Variants in FHIT observed in about 807,000 individuals in gnomAD.
The protein encoded by FHIT is bis(5'-adenosyl)-triphosphatase.
FHIT carries 19 observed loss-of-function variants against 17.9 expected under a neutral mutation model. The observed-to-expected ratio is 1.06, with a 90% CI of 0.74 to 1.56. The LOEUF is 1.56. Among genes scored for constraint, FHIT ranks in the 40% most tolerant of loss-of-function variants. The probability of loss-of-function intolerance (pLI) is 0.00; values close to 1 mark genes in which losing one functional copy is unlikely to be tolerated. For synonymous variants in FHIT, 81 were observed against 69.7 expected (o/e 1.16, Z -0.81); for missense variants, 248 against 189.2 (o/e 1.31, Z -1.82).
intron 4 of FHIT, among the ~76,000 whole-genome samples, chr3:60,758,329 C>T (rs115752811): frequency 0.021 from 3,148 of 152,294 alleles, 103 homozygotes; most frequent in African/African-American, 0.069. Flanking sequence ...GAAAATGCTA[C>T]CTTTGTTAAA....
intron 5 of FHIT, among the ~76,000 whole-genome samples, chr3:60,135,569 AGAG>A (rs1699783054): frequency 6.6e-6 from 1 of 152,102 alleles, no homozygotes; most frequent in South Asian, 2.1e-4. Flanking sequence ...ACATTTGTTG[AGAG>A]GAGAAGAGGT....
chr3:60,847,101 G>A (rs372022571), intron 3 of FHIT, among the ~76,000 whole-genome samples: 3 of 152,204 alleles, frequency 2.0e-5, no homozygotes, highest in Non-Finnish European at 4.4e-5. Flanking sequence ...CAGGATTAAA[G>A]GCATGAGCCA....
chr3:59,782,123 ATCTG>A (rs1702616325), intron 8 of FHIT, among the ~76,000 whole-genome samples: 1 of 152,152 alleles, frequency 6.6e-6, no homozygotes, highest in Non-Finnish European at 1.5e-5. Context: ...TATCTACCAG[ATCTG>A]TCTGATTCCT....
At chr3:60,648,792 G>A (rs2039923818) in intron 4 of FHIT, among the ~76,000 whole-genome samples, 2 of 152,226 alleles carry the variant, frequency 1.3e-5, no homozygotes, top group African/African-American at 4.8e-5. Context: ...CTTCCTAAAG[G>A]CGTTTGCGCC....
intron 7 of FHIT, among the ~76,000 whole-genome samples, chr3:59,983,047 T>G (rs1708725501): frequency 6.6e-6 from 1 of 151,976 alleles, no homozygotes; most frequent in South Asian, 2.1e-4. Flanking sequence ...CAAGCGATCC[T>G]CCCACCTCAG....
intron 3 of FHIT, among the ~76,000 whole-genome samples, chr3:60,972,044 A>C (rs1474982693): frequency 6.6e-6 from 1 of 152,202 alleles, no homozygotes; most frequent in Non-Finnish European, 1.5e-5. Flanking sequence ...ATGAATTTGC[A>C]TCTGCTGCAG....
chr3:59,760,459 A>G (rs779041395), intron 8 of FHIT, among the ~76,000 whole-genome samples: 7 of 152,188 alleles, frequency 4.6e-5, no homozygotes, highest in African/African-American at 9.6e-5. Flanking sequence ...TACTCCACTA[A>G]CTACACTATG....
intron 8 of FHIT, among the ~76,000 whole-genome samples, chr3:59,865,849 G>A (rs1368955438): frequency 6.6e-6 from 1 of 152,136 alleles, no homozygotes; most frequent in Non-Finnish European, 1.5e-5. Flanking sequence ...TTCAGAGTGG[G>A]GAGTGAGAGC....
At chr3:61,146,242 A>T (rs2037222830) in intron 2 of FHIT, among the ~76,000 whole-genome samples, 1 of 152,068 alleles carries the variant, frequency 6.6e-6, no homozygotes, top group South Asian at 2.1e-4. Flanking sequence ...GCTAAAATGA[A>T]ATCAAGCAAA....
chr3:60,695,274 T>C (rs1421782051), intron 4 of FHIT, among the ~76,000 whole-genome samples: 3 of 151,988 alleles, frequency 2.0e-5, no homozygotes, highest in African/African-American at 7.3e-5. Context: ...CGGGTACCTG[T>C]AATCTCAGCT....
intron 7 of FHIT, among the ~76,000 whole-genome samples, chr3:59,983,085 T>C (rs1238843906): frequency 1.3e-5 from 2 of 151,926 alleles, no homozygotes; most frequent in Non-Finnish European, 2.9e-5. Flanking sequence ...ACTAGAGGCA[T>C]GTGCCACCAT....
chr3:60,613,568 C>T (rs1163375691), intron 4 of FHIT, among the ~76,000 whole-genome samples: 1 of 152,158 alleles, frequency 6.6e-6, no homozygotes, highest in Non-Finnish European at 1.5e-5. Flanking sequence ...TTTCTCCTCC[C>T]TCCAGCCCTT....
intron 4 of FHIT, among the ~76,000 whole-genome samples, chr3:60,577,032 C>A (rs1208770763): frequency 1.3e-5 from 2 of 151,518 alleles, no homozygotes; most frequent in African/African-American, 4.9e-5. Context: ...CGATCATCAC[C>A]TTAAAATAGA....
At chr3:60,857,801 G>A (rs1553750360) in intron 3 of FHIT, among the ~76,000 whole-genome samples, 4 of 152,096 alleles carry the variant, frequency 2.6e-5, no homozygotes, top group African/African-American at 7.2e-5. Flanking sequence ...GGTGATGTAT[G>A]CCTGTAGTTC....
At chr3:59,775,511 T>C (rs551643025) in intron 8 of FHIT, among the ~76,000 whole-genome samples, 6 of 152,088 alleles carry the variant, frequency 3.9e-5, no homozygotes, top group Admixed American at 1.3e-4. Flanking sequence ...CACCTTCCTT[T>C]TTGATTTTAT....
intron 8 of FHIT, among the ~76,000 whole-genome samples, chr3:59,883,882 T>C (rs1234555943): frequency 6.6e-6 from 1 of 152,220 alleles, no homozygotes; most frequent in Non-Finnish European, 1.5e-5. Flanking sequence ...ACATGGTGAA[T>C]AGTACAAAAA....
At chr3:59,937,976 A>G (rs1401090818) in intron 7 of FHIT, among the ~76,000 whole-genome samples, 1 of 152,156 alleles carries the variant, frequency 6.6e-6, no homozygotes, top group African/African-American at 2.4e-5. Context: ...CTCTTCCAGC[A>G]TGGGGCAAAT....
At chr3:60,309,123 TTC>T (rs1210449660) in intron 5 of FHIT, among the ~76,000 whole-genome samples, 1 of 152,162 alleles carries the variant, frequency 6.6e-6, no homozygotes, top group African/African-American at 2.4e-5. Flanking sequence ...TTCCATTATG[TTC>T]TGTCAGGGAA....
At chr3:60,980,752 G>A (rs1258588548) in intron 3 of FHIT, among the ~76,000 whole-genome samples, 1 of 152,160 alleles carries the variant, frequency 6.6e-6, no homozygotes, top group Non-Finnish European at 1.5e-5. Context: ...AATATAAACT[G>A]TAGCCACCTG....
Sources: gnomAD v4.1 joint callset for allele counts (sites outside exome capture counted in the v4.1 genomes callset) on GRCh38, gnomAD v4.1.1 for gene constraint, MANE v1.5 for transcripts, NCBI Gene and HGNC (gene_info 2026-07-23, HGNC 2026-07-21) for gene names.